The following GLIS3 variants were observed in gnomAD, a reference collection of about 807,000 sequenced individuals.
GLIS3 encodes the protein zinc finger protein GLIS3.
In GLIS3, 53 loss-of-function variants were observed where a neutral mutation model predicts 78.6. The ratio of observed to expected loss-of-function variants is 0.67; its 90% CI spans 0.54 to 0.85. GLIS3 has a LOEUF of 0.85. GLIS3 is among the 40% of genes least tolerant of loss of function. The pLI is 0.00. For synonymous variants in GLIS3, 684 were observed against 509.9 expected (o/e 1.34, Z -4.60); for missense variants, 1,703 against 1,231.1 (o/e 1.38, Z -5.74).
chr9:4,196,742 A>C (rs1205301285), intron 2 of GLIS3, among the ~76,000 whole-genome samples: 1 of 152,236 alleles, frequency 6.6e-6, no homozygotes, highest in Non-Finnish European at 1.5e-5. Flanking sequence ...ACTCACCGTG[A>C]GGGTCCGCAG....
intron 6 of GLIS3, among the ~76,000 whole-genome samples, chr9:3,919,548 G>A (rs145435502): frequency 0.014 from 2,109 of 151,354 alleles, 24 homozygotes; most frequent in Non-Finnish European, 0.021. Context: ...CTTAATACCC[G>A]GGCAACAAAA....
intron 7 of GLIS3, among the ~76,000 whole-genome samples, chr9:3,897,015 A>C (rs1822895137): frequency 6.6e-6 from 1 of 152,248 alleles, no homozygotes; most frequent in South Asian, 2.1e-4. Context: ...AAAACTCTAA[A>C]GCTTTAAAAA....
intron 2 of GLIS3, 148 bp downstream of exon 2, chr9:4,285,890 C>G (rs996964207): frequency 2.5e-5 from 24 of 972,676 alleles, no homozygotes; most frequent in Admixed American, 3.7e-5. Context: ...CATTCCCTTA[C>G]TGAGCAAGCT....
chr9:3,996,004 CA>C (rs199576326), intron 4 of GLIS3, among the ~76,000 whole-genome samples: 4 of 148,646 alleles, frequency 2.7e-5, no homozygotes, highest in African/African-American at 2.5e-5. Context: ...TTCACTGTAG[CA>C]AAAAAAAAGA....
chr9:4,092,160 T>TG (rs1447996426), intron 4 of GLIS3, among the ~76,000 whole-genome samples: 2 of 151,538 alleles, frequency 1.3e-5, no homozygotes, highest in Non-Finnish European at 2.9e-5. Context: ...CAATTTTTTT[T>TG]TTTTTTTTTG....
At chr9:4,087,175 T>A (rs897018765) in intron 4 of GLIS3, among the ~76,000 whole-genome samples, 45 of 151,914 alleles carry the variant, frequency 3.0e-4, no homozygotes, top group Non-Finnish European at 5.8e-4. Context: ...TACTAATAAG[T>A]AATAATAATA....
chr9:4,441,560 G>T, the GLIS3 span, among the ~76,000 whole-genome samples: 4 of 152,080 alleles, frequency 2.6e-5, no homozygotes, highest in African/African-American at 4.8e-5. Flanking sequence ...TTTTGTTGAG[G>T]ATTTTTGTGT....
At chr9:4,116,291 T>A (rs555455383) in intron 4 of GLIS3, among the ~76,000 whole-genome samples, 1 of 152,220 alleles carries the variant, frequency 6.6e-6, no homozygotes, top group Non-Finnish European at 1.5e-5. Flanking sequence ...GCCGGTGTGT[T>A]CCAGAGTAAA....
At chr9:4,490,013 G>A in the GLIS3 span, among the ~76,000 whole-genome samples, 1 of 152,060 alleles carries the variant, frequency 6.6e-6, no homozygotes, top group Non-Finnish European at 1.5e-5. Flanking sequence ...CCCAGCCTGA[G>A]TAGCCGAGCA....
intron 4 of GLIS3, among the ~76,000 whole-genome samples, chr9:4,030,780 A>C (rs542665707): frequency 6.6e-6 from 1 of 152,330 alleles, no homozygotes; most frequent in Non-Finnish European, 1.5e-5. Flanking sequence ...CAAAGAGTAC[A>C]GGACACCAGG....
chr9:4,187,251 G>T (rs1215833588), intron 2 of GLIS3, among the ~76,000 whole-genome samples: 1 of 152,154 alleles, frequency 6.6e-6, no homozygotes, highest in African/African-American at 2.4e-5. Context: ...ATTAAATAGG[G>T]AATCCTTTCC....
chr9:4,462,380 G>C, the GLIS3 span, among the ~76,000 whole-genome samples: 4 of 152,232 alleles, frequency 2.6e-5, no homozygotes, highest in African/African-American at 9.6e-5. Flanking sequence ...GAGACCAGTG[G>C]GGGTGTTTTC....
intron 4 of GLIS3, among the ~76,000 whole-genome samples, chr9:3,942,875 A>G (rs1816031542): frequency 1.3e-5 from 2 of 152,238 alleles, no homozygotes; most frequent in African/African-American, 4.8e-5. Flanking sequence ...TTTTAAAAAG[A>G]CGAAATAAAA....
chr9:4,477,788 G>A, the GLIS3 span, among the ~76,000 whole-genome samples: 36 of 152,104 alleles, frequency 2.4e-4, no homozygotes, highest in South Asian at 6.2e-4. Context: ...TAGTGGTGAC[G>A]GCTGCAGAGT....
chr9:4,183,865 T>G (rs1336872895), intron 2 of GLIS3, among the ~76,000 whole-genome samples: 1 of 152,166 alleles, frequency 6.6e-6, no homozygotes, highest in African/African-American at 2.4e-5. Context: ...TTCAGATCCT[T>G]AAGGGCAGAG....
the GLIS3 span, among the ~76,000 whole-genome samples, chr9:4,382,691 T>C: frequency 6.6e-6 from 1 of 152,046 alleles, no homozygotes; most frequent in Non-Finnish European, 1.5e-5. Flanking sequence ...AATTCTAGAG[T>C]GATGAGTGGG....
intron 2 of GLIS3, among the ~76,000 whole-genome samples, chr9:4,319,403 A>C (rs577960665): frequency 6.6e-6 from 1 of 152,222 alleles, no homozygotes; most frequent in Non-Finnish European, 1.5e-5. Flanking sequence ...GTGAAGGTAC[A>C]TGGAAGCTCA....
intron 9 of GLIS3, among the ~76,000 whole-genome samples, chr9:3,836,601 ACTT>A (rs756116605): frequency 4.1e-4 from 62 of 151,572 alleles, no homozygotes; most frequent in Non-Finnish European, 8.2e-4. Flanking sequence ...ACCTTTGAAT[ACTT>A]CTCATAAACC....
At chr9:4,247,399 CAG>C (rs1457008867) in intron 2 of GLIS3, among the ~76,000 whole-genome samples, 1 of 152,090 alleles carries the variant, frequency 6.6e-6, no homozygotes, top group African/African-American at 2.4e-5. Flanking sequence ...AAATTATAAA[CAG>C]AAGCATAATA....
Sources: allele counts gnomAD v4.1 joint callset (sites outside exome capture counted in the v4.1 genomes callset), GRCh38; gene constraint gnomAD v4.1.1; transcripts MANE v1.5; gene names NCBI Gene and HGNC (gene_info 2026-07-23, HGNC 2026-07-21).